Variants in ANKRD11 observed in about 807,000 individuals in gnomAD.
The protein encoded by ANKRD11 is ankyrin repeat domain 11, also known as ankyrin repeat domain-containing protein 11.
Under a neutral mutation model 195.7 loss-of-function variants are expected in ANKRD11, and 17 were observed. The observed-to-expected ratio is 0.09, with a 90% CI of 0.06 to 0.13. ANKRD11 has a LOEUF of 0.13. Among genes scored for constraint, ANKRD11 ranks in the 10% least tolerant of loss-of-function variants. ANKRD11 has a pLI of 1.00. For synonymous variants in ANKRD11, 1,953 were observed against 1,528.1 expected, an observed-to-expected ratio of 1.28 and a Z score of -6.49; for missense variants, 3,735 against 3,566.1, an observed-to-expected ratio of 1.05 and a Z score of -1.21.
Position 89,304,968 on chromosome 16 carries a change from G to C in ANKRD11, c.226+238C>G, listed in dbSNP as rs1050488338. 26 of 607,768 alleles carry C rather than the reference G, an allele frequency of 4.3e-5. 1 individual carries two copies. In the South Asian group the frequency reaches 4.9e-4, roughly 11 times the overall value. The allele number at this position is 607,768 out of a possible 1,614,324, so 37.6% of individuals were successfully genotyped here. ...ACATGCACCGGGTGCATCTCCACGT[G>C]TGTGGGACCCAAGAGTGAAGCTCTC... On this transcript the variant is annotated intron_variant, in intron 4 of 12. Coordinates refer to ENST00000301030, the MANE Select transcript of ANKRD11 (RefSeq NM_013275.6).
At chr16:89,293,774 G>C (rs910975878) in intron 4 of ANKRD11, among the ~76,000 whole-genome samples, 2 of 151,722 alleles carry the variant, frequency 1.3e-5, no homozygotes, top group African/African-American at 2.4e-5. Context: ...GAGCTGGGGC[G>C]GTGTTGGGGC....
At chr16:89,315,445 C>T (rs2036893562) in intron 3 of ANKRD11, among the ~76,000 whole-genome samples, 1 of 152,200 alleles carries the variant, frequency 6.6e-6, no homozygotes, top group Non-Finnish European at 1.5e-5. Flanking sequence ...GGCCGCACAT[C>T]AGCACCCTGA....
Position 89,280,472 on chromosome 16 carries a change from G to T in ANKRD11, c.6070C>A (p.Pro2024Thr), listed in dbSNP as rs1272359896. 2 of 1,604,626 alleles carry T rather than the reference G, an allele frequency of 1.2e-6. No individual in the cohort carries two copies. Among genetic ancestry groups the T allele is most frequent in the Middle Eastern group, 1.7e-4 (1 of 5,722 alleles). ...GGCTCAGCGACGGGCAGAGCGTACG[G>T]GGCAGGAGAGGCGGGAGGGGCGGGG... is the stretch of plus-strand genomic sequence containing the variant. ...PYPAPPASPA[P>T]YALPVAEPGL... Residue 2024 changes from proline (P) to threonine (T), a missense_variant, in exon 9 of 13, where the codon CCG (proline) becomes ACG (threonine). Coordinates refer to ENST00000301030, the MANE Select transcript of ANKRD11 (RefSeq NM_013275.6).
chr16:89,413,753 C>G (rs886838026), intron 2 of ANKRD11, among the ~76,000 whole-genome samples: 2 of 152,202 alleles, frequency 1.3e-5, no homozygotes, highest in Non-Finnish European at 2.9e-5. Flanking sequence ...CGGCAGGACA[C>G]AGAAACAGCC....
intron 4 of ANKRD11, chr16:89,297,700 C>A (rs1178208763): frequency 2.0e-4 from 30 of 152,250 alleles, no homozygotes; most frequent in Admixed American, 2.0e-3. Flanking sequence ...CTGTCCTGGG[C>A]CAACAAGAGA....
At position 89,487,884 on chromosome 16, in the gene ANKRD11, C is replaced by A. The variant is rs569206382; in HGVS notation, c.-145+2361G>T. Among the ~76,000 whole-genome samples the A allele has an allele frequency of 4.7e-4, 71 of 152,334 alleles. No homozygotes were observed. In the South Asian group the frequency reaches 0.014, roughly 30 times the overall value. ...TATTTGTAGGGAGTTCTACTTGCCA[C>A]CGTATCAACACTGTAATTACCGCTA... On this transcript the variant is annotated intron_variant, in intron 1 of 12. Transcript: ENST00000301030.
chr16:89,453,700 G>A (rs1248965946), intron 1 of ANKRD11, among the ~76,000 whole-genome samples: 2 of 152,232 alleles, frequency 1.3e-5, no homozygotes, highest in Non-Finnish European at 2.9e-5. Flanking sequence ...TCAGGACAAT[G>A]TGATGTGCTG....
chr16:89,404,684 G>C (rs182689166), intron 2 of ANKRD11, among the ~76,000 whole-genome samples: 4 of 152,342 alleles, frequency 2.6e-5, no homozygotes, highest in South Asian at 4.1e-4. Context: ...CCACAAAGTG[G>C]CATGTTCAAC....
intron 9 of ANKRD11, among the ~76,000 whole-genome samples, chr16:89,276,084 A>T (rs1463508106): frequency 1.3e-5 from 2 of 152,206 alleles, no homozygotes; most frequent in Non-Finnish European, 2.9e-5. Flanking sequence ...GACCAGCTGG[A>T]ACATCGAGGG....
At chr16:89,390,921 G>A (rs2041163231) in intron 2 of ANKRD11, among the ~76,000 whole-genome samples, 1 of 152,150 alleles carries the variant, frequency 6.6e-6, no homozygotes, top group African/African-American at 2.4e-5. Flanking sequence ...ATTTGTGTGA[G>A]CCACTCTCAT....
At chr16:89,324,509 G>A (rs1174107974) in intron 2 of ANKRD11, 2 of 456,166 alleles carry the variant, frequency 4.4e-6, no homozygotes, top group Non-Finnish European at 8.8e-6. Flanking sequence ...AGCATCTTGA[G>A]GAAGCTGCCA....
chr16:89,292,740 C>T (rs985664260), intron 4 of ANKRD11, among the ~76,000 whole-genome samples: 8 of 152,350 alleles, frequency 5.3e-5, no homozygotes, highest in Admixed American at 3.9e-4. Context: ...CTGGCAAACA[C>T]GGTGGTTGGG....
intron 1 of ANKRD11, among the ~76,000 whole-genome samples, chr16:89,465,175 C>A (rs912123478): frequency 1.3e-5 from 2 of 152,152 alleles, no homozygotes; most frequent in Non-Finnish European, 2.9e-5. Context: ...AGAGAACATG[C>A]GGCCACAAGG....
chr16:89,332,751 CCTGA>C (rs2038133195), intron 2 of ANKRD11, among the ~76,000 whole-genome samples: 1 of 152,214 alleles, frequency 6.6e-6, no homozygotes, highest in Non-Finnish European at 1.5e-5. Context: ...GCCCCGCTGC[CCTGA>C]CCTCCCTAGT....
At chr16:89,286,739 G>C (rs2034675863) in intron 7 of ANKRD11, 1 of 1,286,284 alleles carries the variant, frequency 7.8e-7, no homozygotes, top group African/African-American at 1.5e-5. Flanking sequence ...ACAAGGGTAA[G>C]GGTGGTCACA....
intron 2 of ANKRD11, among the ~76,000 whole-genome samples, chr16:89,398,525 T>C (rs1474509321): frequency 6.6e-6 from 1 of 152,190 alleles, no homozygotes; most frequent in Non-Finnish European, 1.5e-5. Context: ...GAGACCAGCC[T>C]GGGCAACACA....
chr16:89,327,605 C>T (rs944013275), intron 2 of ANKRD11, among the ~76,000 whole-genome samples: 4 of 152,142 alleles, frequency 2.6e-5, no homozygotes, highest in Admixed American at 2.6e-4. Flanking sequence ...AAGACAGTAC[C>T]ATCCTATTTC....
chr16:89,324,109 C>T, intron 2 of ANKRD11: 1 of 576,442 alleles, frequency 1.7e-6, no homozygotes, highest in Admixed American at 4.8e-5. Flanking sequence ...CTCGGCCTCC[C>T]AAAGTGCCCC....
intron 6 of ANKRD11, among the ~76,000 whole-genome samples, chr16:89,290,085 A>G (rs1490234777): frequency 1.3e-5 from 2 of 152,250 alleles, no homozygotes; most frequent in Admixed American, 1.3e-4. Flanking sequence ...ATACTTTCCA[A>G]GAAACACTGA....
Sources: gnomAD v4.1 joint callset for allele counts (sites outside exome capture counted in the v4.1 genomes callset) on GRCh38, gnomAD v4.1.1 for gene constraint, MANE v1.5 for transcripts, NCBI Gene and HGNC (gene_info 2026-07-23, HGNC 2026-07-21) for gene names.